MSI2: variants seen among roughly 807,000 people sequenced by gnomAD.
MSI2 encodes musashi RNA binding protein 2, also known as RNA-binding protein Musashi homolog 2.
MSI2 carries 17 observed loss-of-function variants against 45.6 expected under a neutral mutation model. That is an observed-to-expected ratio of 0.37 (90% CI 0.26 to 0.56). The LOEUF is 0.56. Among genes scored for constraint, MSI2 ranks in the 20% least tolerant of loss-of-function variants. The probability of loss-of-function intolerance (pLI) is 0.77; values close to 1 mark genes in which losing one functional copy is unlikely to be tolerated. For missense variants in MSI2, 293 were observed against 444.2 expected, an observed-to-expected ratio of 0.66 and a Z score of 3.06; for synonymous variants, 156 against 158.2, an observed-to-expected ratio of 0.99 and a Z score of 0.11.
chr17:57,561,124 A>G (rs1334695512), intron 7 of MSI2, among the ~76,000 whole-genome samples: 1 of 152,190 alleles, frequency 6.6e-6, no homozygotes, highest in Non-Finnish European at 1.5e-5. Context: ...TTGTTCTTGC[A>G]CTGTCTGTTC....
intron 5 of MSI2, among the ~76,000 whole-genome samples, chr17:57,321,338 G>A (rs185033496): frequency 1.7e-4 from 26 of 152,086 alleles, no homozygotes; most frequent in Non-Finnish European, 2.2e-4. Context: ...TTTAGGAGCC[G>A]CCATTTGCTT....
chr17:57,615,897 C>T (rs559756952), intron 8 of MSI2, 73 bp from the exon 9 acceptor site: 1 of 1,193,314 alleles, frequency 8.4e-7, no homozygotes, highest in Non-Finnish European at 1.2e-6. Context: ...TAGCTCATAA[C>T]CAGACAGGTT....
At chr17:57,272,163 T>A (rs1284121746) in intron 5 of MSI2, among the ~76,000 whole-genome samples, 2 of 152,214 alleles carry the variant, frequency 1.3e-5, no homozygotes, top group African/African-American at 4.8e-5. Context: ...ACACGTTGTG[T>A]TTCCTAAGTC....
chr17:57,418,339 T>C (rs2084333440), intron 6 of MSI2, among the ~76,000 whole-genome samples: 1 of 152,242 alleles, frequency 6.6e-6, no homozygotes. Flanking sequence ...GCTATGCTCA[T>C]TTGAAATAGT....
chr17:57,307,977 GC>G (rs1912057175), intron 5 of MSI2, among the ~76,000 whole-genome samples: 1 of 152,202 alleles, frequency 6.6e-6, no homozygotes, highest in African/African-American at 2.4e-5. Context: ...CTTCCATAGA[GC>G]CTGACAGACA....
chr17:57,616,050 C>A lies in MSI2; in HGVS notation c.618C>A (p.Thr206=). The A allele has an allele frequency of 1.9e-6, 3 of 1,614,110 alleles. No individual in the cohort carries two copies. The highest frequency in any genetic ancestry group is 2.5e-6 in the Non-Finnish European group (3 of 1,180,000). ...TRGRARGLPY[T]MDAFMLGMGM... ...GCCGGGCCCGGGGACTGCCTTACAC[C>A]ATGGACGCGTTCATGCTTGGCATGG... is the stretch of plus-strand genomic sequence containing the variant. Residue 206 remains threonine (T), a synonymous_variant, in exon 9 of 14, where the codon ACC becomes ACA. Coordinates refer to ENST00000284073, the MANE Select transcript of MSI2 (RefSeq NM_138962.4).
Position 57,280,156 on chromosome 17 carries a change from G to C in MSI2, c.312+17964G>C, listed in dbSNP as rs560610142. On this transcript the variant is annotated intron_variant, in intron 5 of 13. Transcript: ENST00000284073. The surrounding 1 kb of genome is among the most constrained non-coding windows in gnomAD (Gnocchi z 4.2). Reference sequence around the variant, plus strand: ...GAAGAGAGGGTGGCTGGAATGCAGAGAGTGAGGAGGACAGGGGGACAGGCG... The same window carrying C: ...GAAGAGAGGGTGGCTGGAATGCAGACAGTGAGGAGGACAGGGGGACAGGCG... 6.6e-6 allele frequency: 1 copy of C among 152,372 alleles called. No individual in the cohort carries two copies. Among genetic ancestry groups the C allele is most frequent in the African/African-American group, 2.4e-5 (1 of 41,506 alleles). The allele number at this position is 152,372 out of a possible 1,614,324, so 9.4% of individuals were successfully genotyped here.
intron 5 of MSI2, among the ~76,000 whole-genome samples, chr17:57,318,697 C>T (rs1260491878): frequency 2.0e-5 from 3 of 152,144 alleles, no homozygotes; most frequent in South Asian, 2.1e-4. Context: ...CATAGAAGCA[C>T]ATACAGCACG....
chr17:57,293,595 G>GGT (rs113925230), intron 5 of MSI2, among the ~76,000 whole-genome samples: 6 of 134,724 alleles, frequency 4.5e-5, no homozygotes, highest in African/African-American at 1.8e-4. Flanking sequence ...TTGTTTTTTT[G>GGT]TTTTTTTTTT....
intron 6 of MSI2, among the ~76,000 whole-genome samples, chr17:57,443,742 G>A (rs2143486124): frequency 6.6e-6 from 1 of 152,240 alleles, no homozygotes; most frequent in Middle Eastern, 3.4e-3. Flanking sequence ...TGTGTCCTTG[G>A]GCAAAGCTTT....
At chr17:57,575,944 CAAAAAAAAAAAAAAA>C (rs34036311) in intron 7 of MSI2, among the ~76,000 whole-genome samples, 9 of 64,434 alleles carry the variant, frequency 1.4e-4, no homozygotes, top group Admixed American at 8.8e-4. Flanking sequence ...GACTCCGTCT[CAAAAAAAAAAAAAAA>C]AAAAAAAAAA....
At chr17:57,557,754 C>T (rs917736326) in intron 7 of MSI2, among the ~76,000 whole-genome samples, 5 of 152,196 alleles carry the variant, frequency 3.3e-5, no homozygotes, top group Non-Finnish European at 7.3e-5. Context: ...AGTGCACAGT[C>T]CCTAATTTCT....
At chr17:57,624,392 G>A (rs536743670) in intron 9 of MSI2, among the ~76,000 whole-genome samples, 1 of 152,298 alleles carries the variant, frequency 6.6e-6, no homozygotes, top group Admixed American at 6.5e-5. Context: ...TTGCTAGCAG[G>A]TGATTAATTT....
intron 10 of MSI2, 111 bp from the exon 11 acceptor site, chr17:57,651,988 C>T: frequency 1.0e-6 from 1 of 988,094 alleles, no homozygotes; most frequent in African/African-American, 1.6e-5. Flanking sequence ...AATCCCTTCC[C>T]ACTCCTGTCT....
upstream of MSI2, among the ~76,000 whole-genome samples, chr17:57,256,339 G>T (rs1204719626): frequency 1.3e-5 from 2 of 151,550 alleles, no homozygotes; most frequent in East Asian, 3.9e-4. Flanking sequence ...GGGGGGCCGA[G>T]TGTGCGCGCG....
intron 6 of MSI2, among the ~76,000 whole-genome samples, chr17:57,403,808 G>A (rs1276788604): frequency 6.6e-6 from 1 of 152,146 alleles, no homozygotes; most frequent in African/African-American, 2.4e-5. Flanking sequence ...AGACTCTGCT[G>A]CTGGGCCTTG....
chr17:57,395,560 G>A (rs1470550120), intron 5 of MSI2, among the ~76,000 whole-genome samples: 1 of 152,102 alleles, frequency 6.6e-6, no homozygotes, highest in Non-Finnish European at 1.5e-5. Context: ...GGGTGAGGGA[G>A]GATGGGAAAA....
chr17:57,562,344 G>A (rs1037374869), intron 7 of MSI2, among the ~76,000 whole-genome samples: 1 of 152,224 alleles, frequency 6.6e-6, no homozygotes, highest in African/African-American at 2.4e-5. Context: ...TCTTCTCATG[G>A]TGCTTTCATA....
At chr17:57,356,734 T>C (rs966161362) in intron 5 of MSI2, among the ~76,000 whole-genome samples, 1 of 152,238 alleles carries the variant, frequency 6.6e-6, no homozygotes, top group Admixed American at 6.5e-5. Flanking sequence ...AAGAACTGTA[T>C]TTGAACTGCT....
Sources: allele counts gnomAD v4.1 joint callset (sites outside exome capture counted in the v4.1 genomes callset), GRCh38; gene constraint gnomAD v4.1.1; non-coding constraint Gnocchi (gnomAD v3.1); transcripts MANE v1.5; gene names NCBI Gene and HGNC (gene_info 2026-07-23, HGNC 2026-07-21).